PSD3: variants seen among roughly 807,000 people sequenced by gnomAD.
PSD3 encodes the protein pleckstrin and Sec7 domain containing 3, also known as PH and SEC7 domain-containing protein 3.
PSD3 carries 49 observed loss-of-function variants against 105.5 expected under a neutral mutation model. The ratio of observed to expected loss-of-function variants is 0.46; its 90% CI spans 0.37 to 0.59. PSD3 has a LOEUF of 0.59. PSD3 is among the 20% of genes least tolerant of loss of function. The pLI, the probability that PSD3 is intolerant of heterozygous loss-of-function variation, is 0.00. For synonymous variants in PSD3, 557 were observed against 457.8 expected (o/e 1.22, Z -2.77); for missense variants, 1,561 against 1,263.8 (o/e 1.24, Z -3.57).
intron 4 of PSD3, among the ~76,000 whole-genome samples, chr8:18,831,820 C>T (rs1752852957): frequency 6.6e-6 from 1 of 151,736 alleles, no homozygotes; most frequent in African/African-American, 2.4e-5. Context: ...TAGAAAATAG[C>T]CAAAAAAGGA....
At chr8:19,004,391 T>C (rs909187944) in intron 1 of PSD3, among the ~76,000 whole-genome samples, 3 of 152,070 alleles carry the variant, frequency 2.0e-5, no homozygotes, top group Non-Finnish European at 4.4e-5. Flanking sequence ...TTAACTCACT[T>C]TGGAAAATAC....
At chr8:18,868,630 G>A (rs1009474542) in intron 3 of PSD3, among the ~76,000 whole-genome samples, 1 of 152,050 alleles carries the variant, frequency 6.6e-6, no homozygotes, top group Non-Finnish European at 1.5e-5. Flanking sequence ...GCCAATTAAC[G>A]GCCTAACAAA....
intron 1 of PSD3, among the ~76,000 whole-genome samples, chr8:18,969,616 G>C (rs1465061076): frequency 6.6e-6 from 1 of 152,218 alleles, no homozygotes; most frequent in East Asian, 1.9e-4. Flanking sequence ...AAATGCCCTT[G>C]ATCTTTTGAA....
intron 1 of PSD3, among the ~76,000 whole-genome samples, chr8:18,954,510 T>C (rs1025229): frequency 6.6e-6 from 1 of 151,968 alleles, no homozygotes; most frequent in African/African-American, 2.4e-5. Context: ...CAATGTTTAG[T>C]TCCCTAATCT....
chr8:18,688,763 A>C (rs954772396), intron 9 of PSD3, among the ~76,000 whole-genome samples: 20 of 152,148 alleles, frequency 1.3e-4, no homozygotes, highest in Admixed American at 4.6e-4. Flanking sequence ...GTGTTGGATG[A>C]CCCTGTCCTG....
chr8:18,975,928 T>C (rs1478207916), intron 1 of PSD3, among the ~76,000 whole-genome samples: 3 of 152,216 alleles, frequency 2.0e-5, no homozygotes, highest in African/African-American at 7.2e-5. Flanking sequence ...AACCTACTTT[T>C]ATCATTCTTC....
At chr8:18,701,364 AAC>A (rs1276442670) in intron 9 of PSD3, among the ~76,000 whole-genome samples, 1 of 152,154 alleles carries the variant, frequency 6.6e-6, no homozygotes, top group East Asian at 1.9e-4. Context: ...AATAATTTCA[AAC>A]ACAATACAAG....
At chr8:19,069,320 G>A (rs1387622868) in intron 1 of PSD3, among the ~76,000 whole-genome samples, 1 of 152,102 alleles carries the variant, frequency 6.6e-6, no homozygotes, top group African/African-American at 2.4e-5. Context: ...TTCCACAAGG[G>A]CTTAGCTTGC....
intron 4 of PSD3, among the ~76,000 whole-genome samples, chr8:18,846,798 G>C (rs1303592918): frequency 6.6e-6 from 1 of 152,128 alleles, no homozygotes; most frequent in Non-Finnish European, 1.5e-5. Flanking sequence ...TGCTCATGAA[G>C]AGGGAAATTA....
At chr8:18,750,889 TA>T (rs1805427364) in intron 9 of PSD3, among the ~76,000 whole-genome samples, 1 of 152,190 alleles carries the variant, frequency 6.6e-6, no homozygotes, top group Admixed American at 6.5e-5. Flanking sequence ...TTGAGCTAGA[TA>T]CAGAGTGCCG....
At chr8:18,882,421 C>T (rs971223821) in intron 2 of PSD3, among the ~76,000 whole-genome samples, 3 of 152,100 alleles carry the variant, frequency 2.0e-5, no homozygotes, top group African/African-American at 7.2e-5. Flanking sequence ...TTCTTGTGGA[C>T]CATGAATGCA....
intron 3 of PSD3, among the ~76,000 whole-genome samples, chr8:18,868,634 T>G (rs1817120357): frequency 6.6e-6 from 1 of 152,086 alleles, no homozygotes; most frequent in South Asian, 2.1e-4. Flanking sequence ...ATTAACGGCC[T>G]AACAAAAAGG....
chr8:18,721,438 A>C (rs1198507835), intron 9 of PSD3, among the ~76,000 whole-genome samples: 2 of 152,200 alleles, frequency 1.3e-5, no homozygotes, highest in Non-Finnish European at 2.9e-5. Flanking sequence ...TGCTGTATTT[A>C]TCCTTTTGTT....
chr8:18,703,333 C>T lies in PSD3; in HGVS notation c.2173-47648G>A, dbSNP rs529072235. ...TGATGAACCAATGTCTCAGCAAGGG[C>T]CTTCAGAGACTTACACAGAGAGGTC... is the stretch of plus-strand genomic sequence containing the variant. On this transcript the variant is annotated intron_variant, in intron 9 of 15. Coordinates refer to ENST00000327040, the MANE Select transcript of PSD3 (RefSeq NM_015310.4). Among the ~76,000 whole-genome samples the T allele has an allele frequency of 5.1e-4, 78 of 152,224 alleles. No individual in the cohort carries two copies. In the South Asian group the frequency reaches 0.016, roughly 30 times the overall value.
chr8:18,555,095 G>C (rs1275948957), intron 15 of PSD3, among the ~76,000 whole-genome samples: 1 of 152,054 alleles, frequency 6.6e-6, no homozygotes, highest in Non-Finnish European at 1.5e-5. Context: ...GCTGTAGGCA[G>C]CTGTCAAGCA....
At chr8:18,671,709 G>C (rs1240879875) in intron 9 of PSD3, among the ~76,000 whole-genome samples, 1 of 151,570 alleles carries the variant, frequency 6.6e-6, no homozygotes, top group Non-Finnish European at 1.5e-5. Context: ...TCCGCTCACT[G>C]CAAGCTCCGC....
intron 15 of PSD3, among the ~76,000 whole-genome samples, chr8:18,547,619 T>A (rs771334117): frequency 6.6e-6 from 1 of 152,210 alleles, no homozygotes; most frequent in Non-Finnish European, 1.5e-5. Context: ...TCTGACACTC[T>A]AATTGAGTTT....
At chr8:18,669,670 A>G (rs1245446309) in intron 9 of PSD3, among the ~76,000 whole-genome samples, 1 of 152,242 alleles carries the variant, frequency 6.6e-6, no homozygotes, top group Non-Finnish European at 1.5e-5. Flanking sequence ...CATGAGATTT[A>G]AAACTTATGA....
chr8:18,563,438 A>G (rs1192584190), intron 14 of PSD3, among the ~76,000 whole-genome samples: 2 of 152,116 alleles, frequency 1.3e-5, no homozygotes, highest in East Asian at 1.9e-4. Flanking sequence ...GTAATCATGT[A>G]TCTAGGGATC....
Sources: gnomAD v4.1 joint callset for allele counts (sites outside exome capture counted in the v4.1 genomes callset) on GRCh38, gnomAD v4.1.1 for gene constraint, MANE v1.5 for transcripts, NCBI Gene and HGNC (gene_info 2026-07-23, HGNC 2026-07-21) for gene names.